BORCS5: variants seen among roughly 807,000 people sequenced by gnomAD.
BORCS5 encodes BLOC-1 related complex subunit 5.
BORCS5 carries 17 observed loss-of-function variants against 22.1 expected under a neutral mutation model. That is an observed-to-expected ratio of 0.77 (90% CI 0.53 to 1.15). The LOEUF is 1.15. Ranked by LOEUF, BORCS5 falls within the 50% of genes most tolerant of loss-of-function variation. The pLI, the probability that BORCS5 is intolerant of heterozygous loss-of-function variation, is 0.00. For synonymous variants in BORCS5, 117 were observed against 99.8 expected, an observed-to-expected ratio of 1.17 and a Z score of -1.03; for missense variants, 247 against 253.2, an observed-to-expected ratio of 0.98 and a Z score of 0.17.
intron 2 of BORCS5, among the ~76,000 whole-genome samples, chr12:12,405,121 G>A (rs1347347243): frequency 3.3e-5 from 5 of 152,154 alleles, no homozygotes; most frequent in Non-Finnish European, 7.3e-5. Flanking sequence ...AGGGTTCTAT[G>A]GTAAATGCCG....
intron 2 of BORCS5, among the ~76,000 whole-genome samples, chr12:12,412,115 T>G (rs1290624748): frequency 2.6e-5 from 4 of 152,222 alleles, no homozygotes; most frequent in Non-Finnish European, 4.4e-5. Context: ...TCTCTTGAGA[T>G]TCCATATGAA....
intron 2 of BORCS5, among the ~76,000 whole-genome samples, chr12:12,373,746 C>CT (rs979680076): frequency 2.6e-5 from 4 of 152,142 alleles, no homozygotes; most frequent in African/African-American, 9.7e-5. Context: ...GACATAGTTG[C>CT]TGCCCTTTAG....
Position 12,455,639 on chromosome 12 carries a change from C to T in BORCS5, c.361-9907C>T, listed in dbSNP as rs541744483. On this transcript the variant is annotated intron_variant, in intron 3 of 3. Transcript: ENST00000314565. Reference sequence around the variant, plus strand: ...ACTAAAAATATAAAAATTAGCCAGGCGTGGTGGCACACACCTGTAATCCCA... The same window carrying T: ...ACTAAAAATATAAAAATTAGCCAGGTGTGGTGGCACACACCTGTAATCCCA... 2.6e-4 allele frequency among the ~76,000 whole-genome samples: 39 copies of T among 152,094 alleles called. 1 individual carries two copies. The highest frequency in any genetic ancestry group is 2.4e-3 in the Admixed American group (36 of 15,274).
intron 2 of BORCS5, among the ~76,000 whole-genome samples, chr12:12,383,599 TTGTC>T (rs1317896603): frequency 6.6e-6 from 1 of 150,834 alleles, no homozygotes. Flanking sequence ...AGGAATGTCT[TTGTC>T]TTTTTTTTTT....
chr12:12,381,764 G>A (rs1169015475), intron 2 of BORCS5, among the ~76,000 whole-genome samples: 1 of 151,340 alleles, frequency 6.6e-6, no homozygotes, highest in Non-Finnish European at 1.5e-5. Flanking sequence ...GCAGTCATTG[G>A]GTAGAGAGTT....
At chr12:12,458,337 C>CA (rs1943036365) in intron 3 of BORCS5, among the ~76,000 whole-genome samples, 1 of 152,110 alleles carries the variant, frequency 6.6e-6, no homozygotes, top group African/African-American at 2.4e-5. Flanking sequence ...CCCTCAAGAA[C>CA]AATAATTCAG....
At position 12,453,768 on chromosome 12, in the gene BORCS5, A is replaced by G. The variant is rs149707227; in HGVS notation, c.361-11778A>G. 1.8e-4 allele frequency among the ~76,000 whole-genome samples: 27 copies of G among 152,334 alleles called. No homozygotes were observed. The East Asian group carries it at 3.5e-3, about 20-fold the overall frequency. On this transcript the variant is annotated intron_variant, in intron 3 of 3. Transcript: ENST00000314565. ...TCTTGCAAGATTGTGCAGCTACACC[A>G]CTATGTAATTCCAGAACATTTTCAT...
In BORCS5 at chr12:12,463,618, CATG is replaced by C. The variant is rs556848718; in HGVS notation, c.361-1924_361-1922del. ...TCCATGGAGCATAATGGAAGTAAGA[CATG>C]ATGTCAGCACGCATGAACAACCTGT... is the stretch of plus-strand genomic sequence containing the variant. On this transcript the variant is annotated intron_variant, in intron 3 of 3. Transcript: ENST00000314565. 6.7e-4 allele frequency among the ~76,000 whole-genome samples: 102 copies of C among 152,284 alleles called. 2 individuals are homozygous for C. In the South Asian group the frequency reaches 0.018, roughly 27 times the overall value.
At chr12:12,406,208 C>T (rs778740089) in intron 2 of BORCS5, among the ~76,000 whole-genome samples, 3 of 152,212 alleles carry the variant, frequency 2.0e-5, no homozygotes, top group Non-Finnish European at 4.4e-5. Context: ...TGTGTCTTAA[C>T]TCTCTGTGAA....
chr12:12,365,606 A>C (rs1863391167), intron 2 of BORCS5, among the ~76,000 whole-genome samples: 1 of 151,986 alleles, frequency 6.6e-6, no homozygotes, highest in Non-Finnish European at 1.5e-5. Context: ...TATAGCAAAC[A>C]AAAAGCCAGT....
intron 2 of BORCS5, among the ~76,000 whole-genome samples, chr12:12,412,859 A>C (rs1941772059): frequency 6.7e-6 from 1 of 149,732 alleles, no homozygotes; most frequent in African/African-American, 2.5e-5. Context: ...GAATTTTCTC[A>C]AATGCTTTCT....
At chr12:12,438,360 C>CAAAAAAAAAAAAAAAAAAAAAAAAAAAAA (rs57737663) in intron 3 of BORCS5, among the ~76,000 whole-genome samples, 10 of 23,806 alleles carry the variant, frequency 4.2e-4, no homozygotes, top group Non-Finnish European at 6.2e-4. Context: ...GATTTCATCT[C>CAAAAAAAAAAAAAAAAAAAAAAAAAAAAA]AAAAAAAAAA....
At chr12:12,381,854 A>G (rs960518970) in intron 2 of BORCS5, among the ~76,000 whole-genome samples, 1 of 151,314 alleles carries the variant, frequency 6.6e-6, no homozygotes, top group East Asian at 1.9e-4. Flanking sequence ...AGTTTTATCA[A>G]TTGAGAGTGA....
At chr12:12,447,346 G>T (rs975218376) in intron 3 of BORCS5, among the ~76,000 whole-genome samples, 1 of 152,216 alleles carries the variant, frequency 6.6e-6, no homozygotes, top group South Asian at 2.1e-4. Flanking sequence ...CAGAGGTCCC[G>T]GTTTCCCTTG....
chr12:12,373,297 A>G lies in BORCS5; in HGVS notation c.202+11948A>G, dbSNP rs1377740003. The stretch of plus-strand genomic sequence containing the variant: ...CTCCAGAACTGTGAGAAATAAATGT[A>G]TGTTGTTTAAGCCATCCAGTTTATG... On this transcript the variant is annotated intron_variant, in intron 2 of 3. Transcript: ENST00000314565. 3.3e-5 allele frequency among the ~76,000 whole-genome samples: 5 copies of G among 152,310 alleles called. No homozygotes were observed. The East Asian group carries it at 9.6e-4, about 29-fold the overall frequency.
intron 2 of BORCS5, among the ~76,000 whole-genome samples, chr12:12,405,312 C>A (rs1941571653): frequency 6.6e-6 from 1 of 152,196 alleles, no homozygotes; most frequent in South Asian, 2.1e-4. Flanking sequence ...ATGAACTCCT[C>A]AAGTAAGTTG....
chr12:12,415,301 C>A (rs1269424004), intron 2 of BORCS5, among the ~76,000 whole-genome samples: 1 of 150,534 alleles, frequency 6.6e-6, no homozygotes, highest in Non-Finnish European at 1.5e-5. Context: ...AATCCCGGCA[C>A]CTCGGGAGGC....
intron 2 of BORCS5, among the ~76,000 whole-genome samples, chr12:12,422,773 C>G (rs1051170788): frequency 3.3e-5 from 5 of 151,962 alleles, no homozygotes; most frequent in Non-Finnish European, 5.9e-5. Flanking sequence ...AAAATATAAA[C>G]TAATACTTTT....
chr12:12,451,216 G>A (rs1007449958), intron 3 of BORCS5, among the ~76,000 whole-genome samples: 4 of 151,464 alleles, frequency 2.6e-5, no homozygotes, highest in African/African-American at 9.7e-5. Flanking sequence ...TGTTGAGTCA[G>A]AGGGTTGTAA....
Sources: gnomAD v4.1 joint callset for allele counts (sites outside exome capture counted in the v4.1 genomes callset) on GRCh38, gnomAD v4.1.1 for gene constraint, MANE v1.5 for transcripts, NCBI Gene and HGNC (gene_info 2026-07-23, HGNC 2026-07-21) for gene names.